Variants in FRMPD4 observed in about 807,000 individuals in gnomAD.
FRMPD4 encodes FERM and PDZ domain-containing protein 4.
FRMPD4 carries 22 observed loss-of-function variants against 94.1 expected under a neutral mutation model. The ratio of observed to expected loss-of-function variants is 0.23; its 90% CI spans 0.17 to 0.33. FRMPD4 has a LOEUF of 0.33. Among genes scored for constraint, FRMPD4 ranks in the 10% least tolerant of loss-of-function variants. FRMPD4 has a pLI of 1.00. For synonymous variants in FRMPD4, 631 were observed against 548.6 expected (o/e 1.15, Z -2.10); for missense variants, 1,111 against 1,339.9 (o/e 0.83, Z 2.67).
rs748195006 is a variant in FRMPD4 at position 12,605,023 on chromosome X, A to AT, written c.159-4694dup. ...TGAACTTGTTATGATCATTGTCACC[A>AT]TTTTACAGATAAGAAAACTGAAATA... On this transcript the variant is annotated intron_variant, in intron 2 of 16. Coordinates refer to ENST00000675598, the MANE Select transcript of FRMPD4 (RefSeq NM_001368397.1). 3.6e-5 allele frequency among the ~76,000 whole-genome samples: 4 copies of AT among 112,383 alleles called. No individual in the cohort carries two copies. The South Asian group carries it at 1.5e-3, about 42-fold the overall frequency.
intron 5 of FRMPD4, among the ~76,000 whole-genome samples, chrX:12,676,915 C>T (rs2059906110): frequency 8.9e-6 from 1 of 112,037 alleles, no homozygotes; most frequent in East Asian, 2.8e-4. Context: ...TGCCCAATCA[C>T]CGCAGATAAA....
At chrX:12,214,342 C>T (rs910836253) in intron 1 of FRMPD4, among the ~76,000 whole-genome samples, 9 of 111,724 alleles carry the variant, frequency 8.1e-5, no homozygotes, top group Non-Finnish European at 1.5e-4. Flanking sequence ...TCTCACTTAG[C>T]TTTACCAGAA....
intron 4 of FRMPD4, among the ~76,000 whole-genome samples, chrX:12,653,837 G>A (rs745619876): frequency 1.2e-4 from 13 of 111,651 alleles, no homozygotes; most frequent in African/African-American, 3.9e-4. Flanking sequence ...GCACGATCTC[G>A]GCTCACAGCA....
intron 1 of FRMPD4, among the ~76,000 whole-genome samples, chrX:12,191,289 A>G (rs892918483): frequency 2.7e-5 from 3 of 111,929 alleles, no homozygotes; most frequent in Non-Finnish European, 5.7e-5. Flanking sequence ...TTCGTTCACT[A>G]CTTGTGGGAA....
At chrX:12,447,736 T>C (rs1416418295) in intron 1 of FRMPD4, among the ~76,000 whole-genome samples, 1 of 112,024 alleles carries the variant, frequency 8.9e-6, no homozygotes, top group African/African-American at 3.2e-5. Context: ...TCTGTACAGA[T>C]TCCTGGTAAA....
intron 2 of FRMPD4, among the ~76,000 whole-genome samples, chrX:12,553,120 T>C (rs1430929293): frequency 2.7e-5 from 3 of 109,221 alleles, no homozygotes; most frequent in Non-Finnish European, 3.8e-5. Context: ...GATTGTGCCA[T>C]TGCACTCCAG....
intron 3 of FRMPD4, among the ~76,000 whole-genome samples, chrX:11,944,512 T>C (rs2054178620): frequency 8.9e-6 from 1 of 112,129 alleles, no homozygotes; most frequent in African/African-American, 3.2e-5. Context: ...TGTGATTTCA[T>C]GTAAAATTAA....
chrX:12,339,989 A>C (rs1056142708), intron 1 of FRMPD4, among the ~76,000 whole-genome samples: 6 of 112,233 alleles, frequency 5.3e-5, no homozygotes, highest in Non-Finnish European at 5.6e-5. Flanking sequence ...CCCTCTACTC[A>C]TTCTAAGAGT....
Position 12,548,856 on chromosome X carries a change from G to A in FRMPD4, c.158+50060G>A, listed in dbSNP as rs1373895635. Reference sequence around the variant, plus strand: ...CTAACTCTAGCTAAGCCTGTGTTGGGAAGCTAAATCTAGGCTGGTGAAGGA... The same window carrying A: ...CTAACTCTAGCTAAGCCTGTGTTGGAAAGCTAAATCTAGGCTGGTGAAGGA... On this transcript the variant is annotated intron_variant, in intron 2 of 16. Coordinates refer to ENST00000675598, the MANE Select transcript of FRMPD4 (RefSeq NM_001368397.1). 3.6e-5 allele frequency among the ~76,000 whole-genome samples: 4 copies of A among 111,455 alleles called. No homozygotes were observed. In the Admixed American group the frequency reaches 3.8e-4, roughly 11 times the overall value.
intron 4 of FRMPD4, among the ~76,000 whole-genome samples, chrX:12,658,735 A>T (rs2059685365): frequency 9.1e-6 from 1 of 109,872 alleles, no homozygotes; most frequent in African/African-American, 3.3e-5. Flanking sequence ...TTCCAATGGT[A>T]TTTACAAGAA....
intron 1 of FRMPD4, among the ~76,000 whole-genome samples, chrX:12,420,122 C>G (rs2056863217): frequency 9.0e-6 from 1 of 111,393 alleles, no homozygotes; most frequent in South Asian, 3.9e-4. Context: ...ACGCCTGCTC[C>G]TTCATCTCTA....
At chrX:11,851,190 A>G (rs1373077153) in intron 1 of FRMPD4, among the ~76,000 whole-genome samples, 1 of 111,631 alleles carries the variant, frequency 9.0e-6, no homozygotes, top group Non-Finnish European at 1.9e-5. Flanking sequence ...TCATGAATAA[A>G]TGTTTCTCTG....
intron 1 of FRMPD4, among the ~76,000 whole-genome samples, chrX:12,139,567 A>G (rs2055662022): frequency 9.3e-6 from 1 of 107,926 alleles, no homozygotes; most frequent in African/African-American, 3.4e-5. Flanking sequence ...GGGGGTAACT[A>G]TATTCTTAAG....
chrX:12,508,552 G>T (rs1299648983), intron 2 of FRMPD4, among the ~76,000 whole-genome samples: 4 of 112,161 alleles, frequency 3.6e-5, no homozygotes, highest in African/African-American at 1.3e-4. Context: ...ATGTATGTTT[G>T]TATCAGTAGA....
chrX:11,864,386 A>T (rs2147300171), intron 1 of FRMPD4, among the ~76,000 whole-genome samples: 1 of 109,492 alleles, frequency 9.1e-6, no homozygotes, highest in Admixed American at 9.9e-5. Flanking sequence ...AGAGGAAGCC[A>T]CCTAGGGGAT....
intron 3 of FRMPD4, among the ~76,000 whole-genome samples, chrX:11,917,099 C>T (rs2054028902): frequency 8.9e-6 from 1 of 111,984 alleles, no homozygotes; most frequent in African/African-American, 3.2e-5. Flanking sequence ...AGACACTTTT[C>T]AAAAGAAGAC....
At chrX:12,515,679 G>A (rs2058088562) in intron 2 of FRMPD4, among the ~76,000 whole-genome samples, 1 of 112,104 alleles carries the variant, frequency 8.9e-6, no homozygotes, top group African/African-American at 3.2e-5. Context: ...TTTGAGTAGA[G>A]AGTTCTGTAG....
intron 3 of FRMPD4, among the ~76,000 whole-genome samples, chrX:12,014,818 G>A (rs150675432): frequency 0.014 from 1,591 of 111,284 alleles, 5 homozygotes; most frequent in South Asian, 0.019. Context: ...AGCTTCAGTG[G>A]AGGCGATAAC....
At chrX:12,501,602 G>A (rs1002102384) in intron 2 of FRMPD4, among the ~76,000 whole-genome samples, 1 of 110,857 alleles carries the variant, frequency 9.0e-6, no homozygotes, top group African/African-American at 3.3e-5. Context: ...TTGATAATTA[G>A]CACCTTTGCA....
Sources: allele counts gnomAD v4.1 joint callset (sites outside exome capture counted in the v4.1 genomes callset), GRCh38; gene constraint gnomAD v4.1.1; transcripts MANE v1.5; gene names NCBI Gene and HGNC (gene_info 2026-07-23, HGNC 2026-07-21).